CDH13: variants seen among roughly 807,000 people sequenced by gnomAD.
CDH13 encodes the protein cadherin-13.
CDH13 carries 24 observed loss-of-function variants against 63.8 expected under a neutral mutation model. The observed-to-expected ratio is 0.38, with a 90% confidence interval of 0.27 to 0.53. The LOEUF (loss-of-function observed/expected upper bound fraction) is 0.53, where lower values mean the gene tolerates loss of function less well. CDH13 is among the 20% of genes least tolerant of loss of function. CDH13 has a pLI of 0.85. For missense variants in CDH13, 1,049 were observed against 903.1 expected (o/e 1.16, Z -2.07); for synonymous variants, 503 against 355.3 (o/e 1.42, Z -4.67).
At chr16:83,197,705 A>G (rs1445027599) in intron 4 of CDH13, among the ~76,000 whole-genome samples, 2 of 152,118 alleles carry the variant, frequency 1.3e-5, no homozygotes, top group African/African-American at 2.4e-5. Context: ...TTGTATCTCA[A>G]TGGTGGTGAT....
intron 7 of CDH13, among the ~76,000 whole-genome samples, chr16:83,596,264 A>G (rs1907248530): frequency 6.6e-6 from 1 of 152,204 alleles, no homozygotes; most frequent in Non-Finnish European, 1.5e-5. Flanking sequence ...GGCAGAGAGA[A>G]GCACAAGGGT....
intron 2 of CDH13, among the ~76,000 whole-genome samples, chr16:82,969,031 C>G (rs1195287133): frequency 6.6e-6 from 1 of 152,190 alleles, no homozygotes; most frequent in Non-Finnish European, 1.5e-5. Context: ...CGCTTGAACC[C>G]TGGAGGCAGA....
chr16:83,157,526 A>G (rs74031408), intron 4 of CDH13, among the ~76,000 whole-genome samples: 2,241 of 152,266 alleles, frequency 0.015, 65 homozygotes, highest in African/African-American at 0.051. Context: ...CACATCATTT[A>G]AGGGAACTAG....
intron 6 of CDH13, among the ~76,000 whole-genome samples, chr16:83,475,108 G>C (rs1295503300): frequency 6.6e-6 from 1 of 152,186 alleles, no homozygotes; most frequent in Non-Finnish European, 1.5e-5. Flanking sequence ...GAAAACTCAG[G>C]GTCCCTTGTT....
chr16:83,715,972 G>A (rs192261838), intron 10 of CDH13, among the ~76,000 whole-genome samples: 30 of 152,284 alleles, frequency 2.0e-4, no homozygotes, highest in Non-Finnish European at 4.0e-4. Flanking sequence ...ATCAGATATT[G>A]TTAAAATCTT....
chr16:83,246,258 G>GA (rs1355884531), intron 5 of CDH13, among the ~76,000 whole-genome samples: 1 of 152,136 alleles, frequency 6.6e-6, no homozygotes, highest in Non-Finnish European at 1.5e-5. Flanking sequence ...TCACCTGTGG[G>GA]AAATTTTATG....
intron 7 of CDH13, among the ~76,000 whole-genome samples, chr16:83,565,397 TTCTTAGTTGCAGAG>T: frequency 6.6e-6 from 1 of 151,366 alleles, no homozygotes; most frequent in Non-Finnish European, 1.5e-5. Flanking sequence ...TTTTTTTTTT[TTCTTAGTTGCAGAG>T]TTTTTCGGAA....
chr16:82,991,144 C>T (rs766583492), intron 2 of CDH13, among the ~76,000 whole-genome samples: 1 of 152,310 alleles, frequency 6.6e-6, no homozygotes, highest in Admixed American at 6.5e-5. Flanking sequence ...TCCCAAGCAA[C>T]AGTGACAACT....
chr16:82,972,601 G>T (rs1487428924), intron 2 of CDH13, among the ~76,000 whole-genome samples: 2 of 152,140 alleles, frequency 1.3e-5, no homozygotes, highest in Admixed American at 6.5e-5. Flanking sequence ...TAGCTGGGAC[G>T]GAAAATGCAT....
chr16:82,641,965 C>A (rs142232192), intron 1 of CDH13, among the ~76,000 whole-genome samples: 1 of 152,100 alleles, frequency 6.6e-6, no homozygotes, highest in African/African-American at 2.4e-5. Context: ...CGCTTGCCTT[C>A]GCTGTTGGCT....
intron 1 of CDH13, among the ~76,000 whole-genome samples, chr16:82,733,662 A>G (rs2033519573): frequency 6.6e-6 from 1 of 152,214 alleles, no homozygotes; most frequent in Non-Finnish European, 1.5e-5. Context: ...CAGACCCAAC[A>G]GGTGACTGAG....
intron 2 of CDH13, among the ~76,000 whole-genome samples, chr16:82,927,113 T>A (rs1351464893): frequency 6.6e-6 from 1 of 152,154 alleles, no homozygotes; most frequent in Non-Finnish European, 1.5e-5. Flanking sequence ...TATCCACACA[T>A]GGCCTCTCCA....
intron 12 of CDH13, among the ~76,000 whole-genome samples, chr16:83,782,093 C>G (rs1318831577): frequency 6.6e-6 from 1 of 152,138 alleles, no homozygotes; most frequent in Non-Finnish European, 1.5e-5. Flanking sequence ...TTTTATTTCC[C>G]TGTCATTACT....
At chr16:83,556,136 C>G (rs1426203931) in intron 7 of CDH13, among the ~76,000 whole-genome samples, 1 of 152,088 alleles carries the variant, frequency 6.6e-6, no homozygotes, top group Non-Finnish European at 1.5e-5. Flanking sequence ...TTGTGTCTGC[C>G]TGCAGCAGCG....
chr16:83,771,077 C>A (rs983642642), intron 11 of CDH13, among the ~76,000 whole-genome samples: 1 of 152,136 alleles, frequency 6.6e-6, no homozygotes, highest in South Asian at 2.1e-4. Context: ...AGAATGTAGA[C>A]CCCCATGTGC....
intron 1 of CDH13, among the ~76,000 whole-genome samples, chr16:82,762,414 C>G (rs971005778): frequency 6.6e-6 from 1 of 152,166 alleles, no homozygotes; most frequent in Admixed American, 6.5e-5. Context: ...GCACAAAGTT[C>G]TCAAGTGCTG....
chr16:82,758,249 T>C (rs1346247639), intron 1 of CDH13, among the ~76,000 whole-genome samples: 1 of 152,122 alleles, frequency 6.6e-6, no homozygotes, highest in Non-Finnish European at 1.5e-5. Context: ...ACGGGCTATG[T>C]TGAAGTAACA....
intron 7 of CDH13, among the ~76,000 whole-genome samples, chr16:83,557,947 C>T (rs556563788): frequency 2.0e-5 from 3 of 152,068 alleles, no homozygotes; most frequent in African/African-American, 7.3e-5. Flanking sequence ...TCTATAGATC[C>T]GTCACTTCCA....
intron 5 of CDH13, among the ~76,000 whole-genome samples, chr16:83,329,715 A>T (rs943203181): frequency 6.6e-6 from 1 of 152,130 alleles, no homozygotes; most frequent in African/African-American, 2.4e-5. Flanking sequence ...TCACCATTCT[A>T]CTTTCTATTT....
Sources: gnomAD v4.1 joint callset for allele counts (sites outside exome capture counted in the v4.1 genomes callset) on GRCh38, gnomAD v4.1.1 for gene constraint, MANE v1.5 for transcripts, NCBI Gene and HGNC (gene_info 2026-07-23, HGNC 2026-07-21) for gene names.